Variants in TRPM3 observed in about 807,000 individuals in gnomAD.
TRPM3 encodes transient receptor potential cation channel subfamily M member 3, also known as long transient receptor potential channel 3.
In TRPM3, 77 loss-of-function variants were observed where a neutral mutation model predicts 181.2. That is an observed-to-expected ratio of 0.42 (90% CI 0.35 to 0.51). The LOEUF (loss-of-function observed/expected upper bound fraction) is 0.51, where lower values mean the gene tolerates loss of function less well. Ranked by LOEUF, TRPM3 falls within the 20% of genes least tolerant of loss-of-function variation. TRPM3 has a pLI of 0.01. For missense variants in TRPM3, 1,759 were observed against 2,196.7 expected (o/e 0.80, Z 3.98); for synonymous variants, 745 against 796.4 (o/e 0.94, Z 1.09).
At chr9:70,833,225 T>C (rs1217854420) in intron 5 of TRPM3, among the ~76,000 whole-genome samples, 1 of 152,194 alleles carries the variant, frequency 6.6e-6, no homozygotes, top group Non-Finnish European at 1.5e-5. Context: ...TTTATGGTGC[T>C]TTCTGCAATG....
chr9:70,886,494 C>T (rs147567334), intron 1 of TRPM3, among the ~76,000 whole-genome samples: 8 of 152,176 alleles, frequency 5.3e-5, no homozygotes, highest in East Asian at 3.9e-4. Flanking sequence ...ATCTTAACCC[C>T]GGGTCTACAG....
chr9:70,637,280 A>G (rs2057359994), intron 11 of TRPM3, among the ~76,000 whole-genome samples: 1 of 152,168 alleles, frequency 6.6e-6, no homozygotes, highest in Non-Finnish European at 1.5e-5. Context: ...ATTAAATGAT[A>G]TAATGTTTAT....
Position 70,535,272 on chromosome 9 carries a change from T to A in TRPM3, c.*681A>T. On this transcript the variant is annotated 3_prime_UTR_variant, in exon 26 of 26. Coordinates refer to ENST00000677713, the MANE Select transcript of TRPM3 (RefSeq NM_001366145.2). ...AAAAGGCATTTCTGTTCCCTTATTT[T>A]CTTCAAAAAAGGATAAACAGTTGTG... The A allele has an allele frequency of 1.3e-6, 1 of 794,970 alleles. No homozygotes were observed. The highest frequency in any genetic ancestry group is 1.9e-5 in the South Asian group (1 of 51,820). The allele number at this position is 794,970 out of a possible 1,614,324, so 49.2% of individuals were successfully genotyped here.
At chr9:70,575,804 C>T (rs1196306301) in intron 22 of TRPM3, among the ~76,000 whole-genome samples, 1 of 152,142 alleles carries the variant, frequency 6.6e-6, no homozygotes, top group African/African-American at 2.4e-5. Flanking sequence ...CTGGCTTCTG[C>T]CTCTGTCCTG....
chr9:71,060,022 T>C (rs1235734940), intron 1 of TRPM3, among the ~76,000 whole-genome samples: 2 of 152,086 alleles, frequency 1.3e-5, no homozygotes, highest in African/African-American at 4.8e-5. Context: ...CTGAGAGCTG[T>C]ATACATACAT....
chr9:71,380,920 T>TGACAAAATGAAGACGAC (rs556692578), intron 1 of TRPM3, among the ~76,000 whole-genome samples: 2,861 of 151,656 alleles, frequency 0.019, 30 homozygotes, highest in Non-Finnish European at 0.023. Flanking sequence ...GAGTAGGGGA[T>TGACAAAATGAAGACGAC]GACAAAATGA....
At chr9:71,090,682 T>C (rs1036334316) in intron 1 of TRPM3, among the ~76,000 whole-genome samples, 1 of 152,152 alleles carries the variant, frequency 6.6e-6, no homozygotes, top group Non-Finnish European at 1.5e-5. Flanking sequence ...TCTCTCAAAC[T>C]GCACTTAAGT....
chr9:71,100,331 G>A (rs2068113533), intron 1 of TRPM3, among the ~76,000 whole-genome samples: 1 of 152,086 alleles, frequency 6.6e-6, no homozygotes, highest in Admixed American at 6.6e-5. Flanking sequence ...AGCATGAGAA[G>A]ATAAGAAACC....
chr9:70,869,167 G>T, intron 1 of TRPM3: 1 of 515,294 alleles, frequency 1.9e-6, no homozygotes. Context: ...ATGAACTTGG[G>T]CAGATTAGCC....
intron 1 of TRPM3, among the ~76,000 whole-genome samples, chr9:71,288,157 C>T (rs1486917229): frequency 6.6e-6 from 1 of 151,190 alleles, no homozygotes; most frequent in Admixed American, 6.6e-5. Flanking sequence ...TGCTCTAAAC[C>T]CCGATATTAA....
Position 70,939,301 on chromosome 9 carries a change from G to A in TRPM3, c.178-74790C>T, listed in dbSNP as rs145855679. Among the ~76,000 whole-genome samples, 151 of 152,330 alleles carry A rather than the reference G, an allele frequency of 9.9e-4. 1 individual carries two copies. The highest frequency in any genetic ancestry group is 3.1e-3 in the Admixed American group (48 of 15,304). ...CAGAACTTTCCAAGGTGAGCAAGAG[G>A]TTCTACCCAGTGTGGGTGCTAATTA... On this transcript the variant is annotated intron_variant, in intron 1 of 25. Transcript: ENST00000677713.
chr9:71,206,710 T>C (rs1020004632), intron 1 of TRPM3, among the ~76,000 whole-genome samples: 1 of 152,306 alleles, frequency 6.6e-6, no homozygotes, highest in Middle Eastern at 3.4e-3. Context: ...AGGATTTTTA[T>C]GGTTTTAGGT....
At chr9:71,436,506 T>C (rs1340497603) in intron 1 of TRPM3, among the ~76,000 whole-genome samples, 1 of 151,810 alleles carries the variant, frequency 6.6e-6, no homozygotes. Flanking sequence ...GGTTTCACCA[T>C]GTTGGCCAGG....
intron 3 of TRPM3, among the ~76,000 whole-genome samples, chr9:70,849,530 T>C (rs1388815410): frequency 6.6e-6 from 1 of 152,146 alleles, no homozygotes; most frequent in African/African-American, 2.4e-5. Flanking sequence ...GAAGATAAAC[T>C]AAGATATTAG....
At chr9:71,226,009 T>TAAAAAAAAAAAAAAAAAAAAAAAAAAAAA in intron 1 of TRPM3, among the ~76,000 whole-genome samples, 3 of 34,706 alleles carry the variant, frequency 8.6e-5, no homozygotes, top group Admixed American at 9.1e-4. Flanking sequence ...CAACAAAAGG[T>TAAAAAAAAAAAAAAAAAAAAAAAAAAAAA]AAAAAAAAAA....
intron 1 of TRPM3, among the ~76,000 whole-genome samples, chr9:70,986,119 G>A (rs2097418892): frequency 6.6e-6 from 1 of 152,132 alleles, no homozygotes. Flanking sequence ...CAGCATTTTG[G>A]GAGGCCAAGG....
At chr9:71,035,492 A>T (rs1359411040) in intron 1 of TRPM3, among the ~76,000 whole-genome samples, 1 of 152,212 alleles carries the variant, frequency 6.6e-6, no homozygotes, top group Non-Finnish European at 1.5e-5. Flanking sequence ...CAAGGCAGGC[A>T]GATCACTTGA....
At chr9:71,015,779 A>G (rs1002448390) in intron 1 of TRPM3, among the ~76,000 whole-genome samples, 63 of 152,312 alleles carry the variant, frequency 4.1e-4, no homozygotes, top group African/African-American at 1.5e-3. Context: ...TTTATTCATT[A>G]AAGATTTTGG....
rs148808879 is a variant in TRPM3 at position 70,660,356 on chromosome 9, A to T, written c.1346-19696T>A. The stretch of plus-strand genomic sequence containing the variant: ...GAGAGGCTAATCAGAAACTCAAAAG[A>T]ATGCAACCGTTTGTCTCTTATCTAC... On this transcript the variant is annotated intron_variant, in intron 9 of 25. Coordinates refer to ENST00000677713, the MANE Select transcript of TRPM3 (RefSeq NM_001366145.2). 5.3e-5 allele frequency among the ~76,000 whole-genome samples: 8 copies of T among 152,164 alleles called. No individual in the cohort carries two copies. The East Asian group carries it at 1.5e-3, about 29-fold the overall frequency.
Sources: allele counts gnomAD v4.1 joint callset (sites outside exome capture counted in the v4.1 genomes callset), GRCh38; gene constraint gnomAD v4.1.1; transcripts MANE v1.5; gene names NCBI Gene and HGNC (gene_info 2026-07-23, HGNC 2026-07-21).